Variants in MARCO observed in about 807,000 individuals in gnomAD.
MARCO encodes macrophage receptor MARCO.
In MARCO, 72 loss-of-function variants were observed where a neutral mutation model predicts 70.0. The ratio of observed to expected loss-of-function variants is 1.03; its 90% CI spans 0.85 to 1.25. The LOEUF is 1.25. Among genes scored for constraint, MARCO ranks in the 50% most tolerant of loss-of-function variants. The pLI, the probability that MARCO is intolerant of heterozygous loss-of-function variation, is 0.00. For synonymous variants in MARCO, 273 were observed against 243.1 expected (o/e 1.12, Z -1.14); for missense variants, 696 against 659.3 (o/e 1.06, Z -0.61).
Position 118,981,639 on chromosome 2 carries a change from G to C in MARCO, c.884G>C (p.Gly295Ala), listed in dbSNP as rs764454123. 1.9e-6 allele frequency: 3 copies of C among 1,613,942 alleles called. No individual in the cohort carries two copies. In the Admixed American group the frequency reaches 5.0e-5, roughly 27 times the overall value. Reference sequence around the variant, plus strand: ...ATCTTAGGTTTGGCTGGTTTTCCTGGAGCTAAAGGAGATCAAGGTAAGAAC... The same window carrying C: ...ATCTTAGGTTTGGCTGGTTTTCCTGCAGCTAAAGGAGATCAAGGTAAGAAC... Reference protein sequence around the residue: ...PGPPGLAGFPGAKGDQGQPGL... With the variant: ...PGPPGLAGFPAAKGDQGQPGL... Residue 295 changes from glycine to alanine, a missense_variant, in exon 10 of 17, where the codon GGA becomes GCA. Gly to Ala is a moderately conservative substitution (Grantham distance 60, BLOSUM62 0). This residue lies in a region of MARCO where 605 missense variants were observed against 537.6 expected (regional missense o/e 1.13). Transcript: ENST00000327097.
At chr2:118,977,320 GA>G in intron 6 of MARCO, 150 bp from the exon 7 acceptor site, 1 of 188,060 alleles carries the variant, frequency 5.3e-6, no homozygotes, top group Non-Finnish European at 9.7e-6. Flanking sequence ...GTGTGAAAAA[GA>G]GAGAGAGAGA....
chr2:118,959,034 A>T (rs1473816439), intron 1 of MARCO, among the ~76,000 whole-genome samples: 1 of 152,070 alleles, frequency 6.6e-6, no homozygotes. Flanking sequence ...TGTAAACATT[A>T]TAGAAGATAA....
At chr2:118,942,755 G>A (rs1020572994) in intron 1 of MARCO, among the ~76,000 whole-genome samples, 1 of 152,124 alleles carries the variant, frequency 6.6e-6, no homozygotes, top group Non-Finnish European at 1.5e-5. Flanking sequence ...CAGGGGCACT[G>A]AAAGGGGACC....
intron 14 of MARCO, among the ~76,000 whole-genome samples, chr2:118,992,093 A>G (rs1239954950): frequency 6.6e-6 from 1 of 152,226 alleles, no homozygotes; most frequent in Admixed American, 6.5e-5. Context: ...CATCCAAGGC[A>G]GGGGCGTGAA....
intron 1 of MARCO, among the ~76,000 whole-genome samples, chr2:118,955,239 A>C (rs893286301): frequency 6.6e-6 from 1 of 151,418 alleles, no homozygotes; most frequent in Non-Finnish European, 1.5e-5. Context: ...TCAAGAAAAT[A>C]GATAGTTTAA....
chr2:118,962,777 G>T (rs1249537128), intron 1 of MARCO, among the ~76,000 whole-genome samples: 1 of 152,034 alleles, frequency 6.6e-6, no homozygotes, highest in African/African-American at 2.4e-5. Flanking sequence ...TTAAAATTTA[G>T]ATTTATTTAA....
intron 1 of MARCO, among the ~76,000 whole-genome samples, chr2:118,944,386 A>G (rs535221907): frequency 3.3e-5 from 5 of 152,322 alleles, no homozygotes; most frequent in Admixed American, 6.5e-5. Context: ...GCCATTATGC[A>G]GGTAATCACT....
At chr2:118,981,716 C>G in intron 10 of MARCO, 60 bp downstream of exon 10, 1 of 1,506,596 alleles carries the variant, frequency 6.6e-7, no homozygotes, top group Non-Finnish European at 9.2e-7. Flanking sequence ...CAGAGTGAAG[C>G]TGGGGACCAG....
Position 118,981,644 on chromosome 2 carries a change from A to G in MARCO, c.889A>G (p.Lys297Glu), listed in dbSNP as rs1680394546. 4.3e-6 allele frequency: 7 copies of G among 1,613,914 alleles called. No individual in the cohort carries two copies. Among genetic ancestry groups the G allele is most frequent in the Non-Finnish European group, 5.9e-6 (7 of 1,179,910 alleles). The part of the protein sequence containing the change: ...PPGLAGFPGA[K>E]GDQGQPGLQG... ...AGGTTTGGCTGGTTTTCCTGGAGCT[A>G]AAGGAGATCAAGGTAAGAACTACAG... Residue 297 changes from lysine to glutamate, a missense_variant, in exon 10 of 17, where the codon AAA becomes GAA. Coordinates refer to ENST00000327097, the MANE Select transcript of MARCO (RefSeq NM_006770.4).
intron 12 of MARCO, among the ~76,000 whole-genome samples, chr2:118,988,606 C>G (rs115324338): frequency 6.6e-6 from 1 of 152,050 alleles, no homozygotes; most frequent in Non-Finnish European, 1.5e-5. Context: ...ACATAGTGAC[C>G]TCCCTGGATG....
chr2:118,982,099 G>T, intron 10 of MARCO, 57 bp from the exon 11 acceptor site: 1 of 1,262,320 alleles, frequency 7.9e-7, no homozygotes, highest in South Asian at 1.3e-5. Flanking sequence ...CTGGGGGTTG[G>T]GGTATCTGGG....
chr2:118,989,214 C>T (rs1486111717), intron 12 of MARCO, among the ~76,000 whole-genome samples: 1 of 152,172 alleles, frequency 6.6e-6, no homozygotes, highest in Non-Finnish European at 1.5e-5. Flanking sequence ...TCCAGGTGAA[C>T]CAAAGCAGTG....
chr2:118,985,693 A>G (rs1267411949), intron 12 of MARCO, among the ~76,000 whole-genome samples: 2 of 152,236 alleles, frequency 1.3e-5, no homozygotes, highest in Non-Finnish European at 2.9e-5. Context: ...CTATTTTGAA[A>G]TAATATTTAT....
intron 12 of MARCO, among the ~76,000 whole-genome samples, chr2:118,987,763 G>C (rs1387482879): frequency 6.6e-6 from 1 of 152,204 alleles, no homozygotes; most frequent in African/African-American, 2.4e-5. Flanking sequence ...CTAAATCAGT[G>C]ACTCCGGTGG....
At chr2:118,956,666 T>C (rs145156981) in intron 1 of MARCO, among the ~76,000 whole-genome samples, 4 of 152,088 alleles carry the variant, frequency 2.6e-5, no homozygotes. Context: ...TACAGAACAT[T>C]TCATCCAACA....
intron 1 of MARCO, among the ~76,000 whole-genome samples, chr2:118,961,427 G>A (rs1458472173): frequency 6.6e-6 from 1 of 152,174 alleles, no homozygotes; most frequent in Non-Finnish European, 1.5e-5. Context: ...ATGTGAGATG[G>A]TATCTCATTG....
At chr2:118,985,558 C>T (rs1680469804) in intron 12 of MARCO, among the ~76,000 whole-genome samples, 1 of 152,240 alleles carries the variant, frequency 6.6e-6, no homozygotes, top group Admixed American at 6.5e-5. Flanking sequence ...AGAACCTTCT[C>T]TCAGGGTCAC....
At chr2:118,989,647 G>A (rs759749253) in intron 12 of MARCO, among the ~76,000 whole-genome samples, 1 of 152,194 alleles carries the variant, frequency 6.6e-6, no homozygotes, top group Non-Finnish European at 1.5e-5. Context: ...AGTGAGAGGT[G>A]GGGCAGGGCA....
intron 6 of MARCO, among the ~76,000 whole-genome samples, chr2:118,976,400 A>T (rs2104588281): frequency 1.3e-5 from 2 of 152,132 alleles, no homozygotes; most frequent in Middle Eastern, 6.8e-3. Context: ...CAACTCACTT[A>T]GAGCCTCTCT....
Sources: allele counts gnomAD v4.1 joint callset (sites outside exome capture counted in the v4.1 genomes callset), GRCh38; gene constraint gnomAD v4.1.1; regional missense constraint gnomAD v4.1.1; transcripts MANE v1.5; gene names NCBI Gene and HGNC (gene_info 2026-07-23, HGNC 2026-07-21).